The following PTPRK variants were observed in gnomAD, a reference collection of about 807,000 sequenced individuals.
The protein encoded by PTPRK is receptor-type tyrosine-protein phosphatase kappa.
Under a neutral mutation model 178.0 loss-of-function variants are expected in PTPRK, and 75 were observed. The observed-to-expected ratio is 0.42, with a 90% CI of 0.35 to 0.51. The LOEUF is 0.51. Among genes scored for constraint, PTPRK ranks in the 20% least tolerant of loss-of-function variants. The pLI is 0.02. For synonymous variants in PTPRK, 637 were observed against 620.6 expected, an observed-to-expected ratio of 1.03 and a Z score of -0.39; for missense variants, 1,441 against 1,797.8, an observed-to-expected ratio of 0.80 and a Z score of 3.59.
In PTPRK at chr6:128,009,192, A is replaced by T; in HGVS notation, c.2271T>A (p.Ile757=). The T allele has an allele frequency of 6.2e-7, 1 of 1,609,076 alleles. No individual in the cohort carries two copies. The highest frequency in any genetic ancestry group is 2.2e-5 in the East Asian group (1 of 44,704). Residue 757 remains isoleucine (I), a synonymous_variant, in exon 14 of 30, where the codon ATT becomes ATA. Transcript: ENST00000368226. ...GGATGAACACCAAAATTCCAGCACT[A>T]ATTCCTGCTATTTTCACCACTCTGT... ...QTDRVVKIAG[I]SAGILVFILL... is the part of the protein sequence containing the mutation.
At chr6:128,348,620 G>T (rs1832725891) in intron 2 of PTPRK, among the ~76,000 whole-genome samples, 1 of 151,924 alleles carries the variant, frequency 6.6e-6, no homozygotes, top group African/African-American at 2.4e-5. Flanking sequence ...ACAAATGTAT[G>T]ATCGATTTTT....
intron 3 of PTPRK, among the ~76,000 whole-genome samples, chr6:128,267,895 T>C (rs935307127): frequency 6.6e-6 from 1 of 152,096 alleles, no homozygotes; most frequent in Non-Finnish European, 1.5e-5. Context: ...GCAAAAGACT[T>C]CAAGATATAT....
At chr6:128,092,359 AACAC>A (rs1191277895) in intron 7 of PTPRK, among the ~76,000 whole-genome samples, 1 of 152,054 alleles carries the variant, frequency 6.6e-6, no homozygotes, top group South Asian at 2.1e-4. Context: ...AACCAAAGTA[AACAC>A]ACACACACAG....
At chr6:127,980,166 C>T (rs142276046) in intron 25 of PTPRK, among the ~76,000 whole-genome samples, 4,178 of 152,252 alleles carry the variant, frequency 0.027, 207 homozygotes, top group African/African-American at 0.096. Flanking sequence ...AAAAATTAGC[C>T]GTGCATGGTG....
At chr6:128,410,396 T>C (rs1287227059) in intron 1 of PTPRK, among the ~76,000 whole-genome samples, 6 of 152,190 alleles carry the variant, frequency 3.9e-5, no homozygotes, top group Non-Finnish European at 2.9e-5. Flanking sequence ...TAACAATCTA[T>C]AAAAAGGATT....
At chr6:128,093,868 G>A (rs1180233183) in intron 7 of PTPRK, among the ~76,000 whole-genome samples, 1 of 151,910 alleles carries the variant, frequency 6.6e-6, no homozygotes, top group East Asian at 1.9e-4. Context: ...TATCAAAGAT[G>A]TTAAGCTAAG....
chr6:128,114,314 C>T (rs527307361), intron 7 of PTPRK, among the ~76,000 whole-genome samples: 1 of 151,876 alleles, frequency 6.6e-6, no homozygotes. Context: ...GGGGAAGTGC[C>T]ACACTTTAAA....
chr6:128,045,156 C>T (rs1484346974), intron 13 of PTPRK, among the ~76,000 whole-genome samples: 1 of 151,998 alleles, frequency 6.6e-6, no homozygotes, highest in Non-Finnish European at 1.5e-5. Context: ...TGAAAACTTC[C>T]TATCTCTTTA....
chr6:128,354,229 A>ATTTTTTTT (rs1201996929), intron 2 of PTPRK, among the ~76,000 whole-genome samples: 21 of 27,718 alleles, frequency 7.6e-4, no homozygotes, highest in Middle Eastern at 0.033. Flanking sequence ...TTTTTTGTTT[A>ATTTTTTTT]TGTTTTTTTT....
intron 1 of PTPRK, among the ~76,000 whole-genome samples, chr6:128,399,148 G>C (rs1840707670): frequency 6.6e-6 from 1 of 152,068 alleles, no homozygotes; most frequent in South Asian, 2.1e-4. Context: ...CTCTGACCAA[G>C]CAACAGACTA....
intron 4 of PTPRK, 77 bp from the exon 5 acceptor site, chr6:128,240,227 T>C: frequency 9.3e-7 from 1 of 1,075,568 alleles, no homozygotes; most frequent in South Asian, 1.4e-5. Flanking sequence ...TCCAGCTGAA[T>C]ATTATCATTA....
intron 7 of PTPRK, among the ~76,000 whole-genome samples, chr6:128,095,075 T>G (rs1208297304): frequency 6.6e-6 from 1 of 151,718 alleles, no homozygotes. Flanking sequence ...TAAAATCTAG[T>G]GTCTGCCCCA....
At chr6:128,466,808 T>C (rs977996491) in intron 1 of PTPRK, among the ~76,000 whole-genome samples, 3 of 152,126 alleles carry the variant, frequency 2.0e-5, no homozygotes, top group Non-Finnish European at 4.4e-5. Flanking sequence ...AGGCATTTAA[T>C]ATACATAAAT....
chr6:128,288,455 T>A (rs1300473446), intron 3 of PTPRK, among the ~76,000 whole-genome samples: 2 of 152,168 alleles, frequency 1.3e-5, no homozygotes, highest in Non-Finnish European at 2.9e-5. Flanking sequence ...AAAATAATCA[T>A]TTTCAATTTG....
chr6:128,039,630 AC>A (rs1490575907), intron 13 of PTPRK, among the ~76,000 whole-genome samples: 1 of 152,176 alleles, frequency 6.6e-6, no homozygotes, highest in Non-Finnish European at 1.5e-5. Context: ...TAAATATTCT[AC>A]CCAAATGAAA....
At chr6:128,174,360 T>C (rs907498602) in intron 7 of PTPRK, among the ~76,000 whole-genome samples, 10 of 151,934 alleles carry the variant, frequency 6.6e-5, no homozygotes, top group African/African-American at 2.4e-4. Flanking sequence ...AAAATTTCAG[T>C]GCTCTAACGT....
intron 13 of PTPRK, among the ~76,000 whole-genome samples, chr6:128,051,745 C>T (rs1463862882): frequency 3.3e-5 from 5 of 152,188 alleles, no homozygotes; most frequent in Admixed American, 2.6e-4. Flanking sequence ...GTTTTTACCA[C>T]TCCCAAGTTC....
At chr6:128,129,008 A>G (rs981481962) in intron 7 of PTPRK, among the ~76,000 whole-genome samples, 1 of 152,232 alleles carries the variant, frequency 6.6e-6, no homozygotes, top group African/African-American at 2.4e-5. Context: ...AAACAGGCCT[A>G]TTGATTTCAT....
At chr6:128,338,600 G>A (rs1230618785) in intron 2 of PTPRK, among the ~76,000 whole-genome samples, 3 of 152,152 alleles carry the variant, frequency 2.0e-5, no homozygotes, top group African/African-American at 7.2e-5. Flanking sequence ...ACCTACTGCT[G>A]GGTGCAGACA....
Sources: gnomAD v4.1 joint callset for allele counts (sites outside exome capture counted in the v4.1 genomes callset) on GRCh38, gnomAD v4.1.1 for gene constraint, MANE v1.5 for transcripts, NCBI Gene and HGNC (gene_info 2026-07-23, HGNC 2026-07-21) for gene names.